Variants in GSE1 observed in about 807,000 individuals in gnomAD.
GSE1 encodes the protein Gse1 coiled-coil protein.
A neutral mutation model predicts 112.6 loss-of-function variants in GSE1; 32 were observed. The observed-to-expected ratio is 0.28, with a 90% CI of 0.21 to 0.38. The LOEUF is 0.38. Among genes scored for constraint, GSE1 ranks in the 10% least tolerant of loss-of-function variants. The pLI, the probability that GSE1 is intolerant of heterozygous loss-of-function variation, is 1.00. For missense variants in GSE1, 2,348 were observed against 1,699.2 expected, an observed-to-expected ratio of 1.38 and a Z score of -6.71; for synonymous variants, 1,115 against 735.6, an observed-to-expected ratio of 1.52 and a Z score of -8.35.
In GSE1 at chr16:85,661,184, C is replaced by G. The variant is rs1387503272; in HGVS notation, c.1679C>G (p.Pro560Arg). Residue 560 changes from proline (P) to arginine (R), a missense_variant, in exon 9 of 16, where the codon CCT becomes CGT. Physicochemically the swap from Pro to Arg is moderately radical, Grantham distance 103. Coordinates refer to ENST00000253458, the MANE Select transcript of GSE1 (RefSeq NM_014615.5). ...CGTCACGAGCCAGGTGGCCGTGACC[C>G]TCCGCAGCACTTTGGGGGGCCACCA... ...PNRHEPGGRDPPQHFGGPPPL... is the reference protein window; with the variant it reads ...PNRHEPGGRDRPQHFGGPPPL... 1 of 1,600,436 alleles carries G rather than the reference C, an allele frequency of 6.2e-7. No individual in the cohort carries two copies. Among genetic ancestry groups the G allele is most frequent in the Non-Finnish European group, 8.5e-7 (1 of 1,170,140 alleles).
chr16:85,343,876 A>G (rs532372139), intron 1 of GSE1, among the ~76,000 whole-genome samples: 2 of 152,278 alleles, frequency 1.3e-5, no homozygotes, highest in South Asian at 2.1e-4. Flanking sequence ...GGAACCTCCA[A>G]AATGGGACCC....
chr16:85,352,263 G>A (rs539982507), intron 1 of GSE1, among the ~76,000 whole-genome samples: 10 of 152,228 alleles, frequency 6.6e-5, no homozygotes, highest in South Asian at 2.1e-4. Context: ...GCTATTCAGC[G>A]GTGGGCTGTG....
chr16:85,416,390 A>G (rs1329206826), intron 2 of GSE1, among the ~76,000 whole-genome samples: 1 of 152,050 alleles, frequency 6.6e-6, no homozygotes, highest in African/African-American at 2.4e-5. Flanking sequence ...AGAGCCCCCA[A>G]GTGGGAGCAA....
chr16:85,655,090 G>T, intron 5 of GSE1, 99 bp downstream of exon 5: 1 of 802,762 alleles, frequency 1.2e-6, no homozygotes, highest in Non-Finnish European at 2.1e-6. Context: ...TGAGAGCCAG[G>T]CTCCTAGGGG....
intron 2 of GSE1, among the ~76,000 whole-genome samples, chr16:85,545,656 T>C (rs992033670): frequency 2.0e-5 from 3 of 152,218 alleles, no homozygotes; most frequent in African/African-American, 7.2e-5. Context: ...GCTCTTGTTG[T>C]GAAGATGTAA....
intron 2 of GSE1, among the ~76,000 whole-genome samples, chr16:85,528,716 C>T (rs2052448590): frequency 6.6e-6 from 1 of 151,798 alleles, no homozygotes; most frequent in African/African-American, 2.4e-5. Flanking sequence ...CTTCTGATAC[C>T]CTTTGGCAGA....
chr16:85,391,560 G>A (rs1406687857), intron 2 of GSE1, among the ~76,000 whole-genome samples: 1 of 152,202 alleles, frequency 6.6e-6, no homozygotes, highest in African/African-American at 2.4e-5. Flanking sequence ...TCCAGTGTCT[G>A]CGGTCATCAC....
intron 2 of GSE1, among the ~76,000 whole-genome samples, chr16:85,524,246 G>A (rs756171059): frequency 3.9e-5 from 6 of 152,152 alleles, no homozygotes; most frequent in Non-Finnish European, 8.8e-5. Context: ...GAGGTGACGC[G>A]GGGTGGCGGG....
intron 1 of GSE1, among the ~76,000 whole-genome samples, chr16:85,268,121 G>A (rs556941355): frequency 9.9e-5 from 15 of 152,272 alleles, no homozygotes; most frequent in African/African-American, 3.1e-4. Flanking sequence ...TGATGCCTCT[G>A]TATTTCGTGA....
intron 1 of GSE1, among the ~76,000 whole-genome samples, chr16:85,272,250 C>T (rs941916293): frequency 6.6e-6 from 1 of 152,226 alleles, no homozygotes; most frequent in African/African-American, 2.4e-5. Flanking sequence ...CTGTCTTTGG[C>T]CGTGCTCTGC....
At chr16:85,347,021 G>C (rs2046757054) in intron 1 of GSE1, among the ~76,000 whole-genome samples, 1 of 152,166 alleles carries the variant, frequency 6.6e-6, no homozygotes, top group Non-Finnish European at 1.5e-5. Context: ...GTGGCTCTTA[G>C]ATGTCACGTG....
chr16:85,567,854 C>G (rs2045825344), intron 1 of GSE1, among the ~76,000 whole-genome samples: 1 of 152,070 alleles, frequency 6.6e-6, no homozygotes, highest in African/African-American at 2.4e-5. Context: ...TCCCAAGTAG[C>G]TGGGATCACA....
chr16:85,358,686 C>T (rs78325791), intron 2 of GSE1, among the ~76,000 whole-genome samples: 9,586 of 152,206 alleles, frequency 0.063, 372 homozygotes, highest in South Asian at 0.098. Context: ...TGGTAGGCTC[C>T]GGGGAAGGGA....
chr16:85,190,743 T>A (rs1459206625), intron 1 of GSE1, among the ~76,000 whole-genome samples: 1 of 152,256 alleles, frequency 6.6e-6, no homozygotes. Flanking sequence ...GATATCCTGG[T>A]ATTTTTACAT....
chr16:85,191,803 G>A (rs918143919), intron 1 of GSE1, among the ~76,000 whole-genome samples: 9 of 152,200 alleles, frequency 5.9e-5, no homozygotes, highest in Admixed American at 1.3e-4. Flanking sequence ...CGTATGGGAG[G>A]TGATACTTGC....
Position 85,613,531 on chromosome 16 carries a change from C to A in GSE1, c.7+133C>A, listed in dbSNP as rs961153096. The A allele has an allele frequency of 1.2e-5, 10 of 833,342 alleles. No individual in the cohort carries two copies. In the African/African-American group the frequency reaches 1.6e-4, roughly 14 times the overall value. The allele number at this position is 833,342 out of a possible 1,614,324, so 51.6% of individuals were successfully genotyped here. ...GGCAACTTCCCCGGAGTGTTAGCGG[C>A]GATAAGAGCCGGGAGGGCGGGCAGG... On this transcript the variant is annotated intron_variant, in intron 1 of 15. Transcript: ENST00000253458.
chr16:85,645,814 G>A (rs546863560), intron 2 of GSE1, among the ~76,000 whole-genome samples: 3 of 152,206 alleles, frequency 2.0e-5, no homozygotes, highest in Admixed American at 1.3e-4. Context: ...CTTCTACCAC[G>A]CATTCTACCT....
At chr16:85,240,618 C>CTTAAACGAG (rs1905094364) in intron 1 of GSE1, among the ~76,000 whole-genome samples, 1 of 152,204 alleles carries the variant, frequency 6.6e-6, no homozygotes, top group Non-Finnish European at 1.5e-5. Flanking sequence ...GTCTCCCAGA[C>CTTAAACGAG]TTAAACGAGA....
At chr16:85,563,262 G>A (rs936142186) in intron 1 of GSE1, among the ~76,000 whole-genome samples, 7 of 150,894 alleles carry the variant, frequency 4.6e-5, no homozygotes, top group African/African-American at 1.7e-4. Flanking sequence ...ACATAAAACC[G>A]TGTGATGTAT....
Sources: allele counts gnomAD v4.1 joint callset (sites outside exome capture counted in the v4.1 genomes callset), GRCh38; gene constraint gnomAD v4.1.1; transcripts MANE v1.5; gene names NCBI Gene and HGNC (gene_info 2026-07-23, HGNC 2026-07-21).